The following SSBP3 variants were observed in gnomAD, a reference collection of about 807,000 sequenced individuals.
SSBP3 encodes single stranded DNA binding protein 3.
A neutral mutation model predicts 69.6 loss-of-function variants in SSBP3; 5 were observed. The ratio of observed to expected loss-of-function variants is 0.07; its 90% CI spans 0.04 to 0.15. SSBP3 has a LOEUF of 0.15. Ranked by LOEUF, SSBP3 falls within the 10% of genes least tolerant of loss-of-function variation. SSBP3 has a pLI of 1.00. For missense variants in SSBP3, 312 were observed against 534.0 expected, an observed-to-expected ratio of 0.58 and a Z score of 4.10; for synonymous variants, 196 against 193.4, an observed-to-expected ratio of 1.01 and a Z score of -0.11.
At chr1:54,241,612 C>G in intron 11 of SSBP3, 103 bp from the exon 12 acceptor site, 1 of 1,282,558 alleles carries the variant, frequency 7.8e-7, no homozygotes, top group Non-Finnish European at 1.1e-6. Context: ...AAAGGCATCG[C>G]CACCCAGTGA....
At position 54,277,911 on chromosome 1, in the gene SSBP3, C is replaced by T. The variant is rs532945762; in HGVS notation, c.366+3527G>A. ...AGCTGGGTTTGCCAGATGTGCAGCCCAACCGAGCTAAGCTGCGTGGAAAAA... is the reference window on the plus strand; with the variant it reads ...AGCTGGGTTTGCCAGATGTGCAGCCTAACCGAGCTAAGCTGCGTGGAAAAA... On this transcript the variant is annotated intron_variant, in intron 5 of 17. Coordinates refer to ENST00000610401, the Ensembl canonical transcript of SSBP3. Among the ~76,000 whole-genome samples, 328 of 152,198 alleles carry T rather than the reference C, an allele frequency of 2.2e-3. 3 individuals carry two copies. Among genetic ancestry groups the T allele is most frequent in the Non-Finnish European group, 3.0e-3 (204 of 68,012 alleles).
intron 4 of SSBP3, among the ~76,000 whole-genome samples, chr1:54,320,589 A>T (rs952685072): frequency 1.3e-5 from 2 of 152,110 alleles, no homozygotes; most frequent in Non-Finnish European, 2.9e-5. Flanking sequence ...AAGTGCTGGG[A>T]TTACAATAGG....
exon 18 of SSBP3, chr1:54,225,445 T>C (rs1450684469): frequency 2.4e-6 from 3 of 1,225,646 alleles, no homozygotes; most frequent in East Asian, 3.2e-5. Context: ...GGAAAAAAGA[T>C]GTCCCTTTAA....
At chr1:54,273,422 G>A (rs1468727618) in intron 5 of SSBP3, among the ~76,000 whole-genome samples, 1 of 152,182 alleles carries the variant, frequency 6.6e-6, no homozygotes, top group Admixed American at 6.5e-5. Context: ...AGCCGCCGCC[G>A]AGGCAGCCTG....
At chr1:54,279,701 G>A (rs945673031) in intron 5 of SSBP3, among the ~76,000 whole-genome samples, 3 of 152,216 alleles carry the variant, frequency 2.0e-5, no homozygotes, top group South Asian at 2.1e-4. Flanking sequence ...AACGCCAGTG[G>A]GAAAGGCCCG....
chr1:54,274,436 G>A (rs1437228718), intron 5 of SSBP3, among the ~76,000 whole-genome samples: 1 of 139,658 alleles, frequency 7.2e-6, no homozygotes, highest in Non-Finnish European at 1.6e-5. Context: ...AGGCCTGAGA[G>A]CACTGGCTGG....
intron 11 of SSBP3, 73 bp downstream of exon 11, chr1:54,242,091 C>G (rs1025611619): frequency 1.2e-5 from 18 of 1,557,450 alleles, no homozygotes; most frequent in Non-Finnish European, 1.4e-5. Context: ...CACCTACACC[C>G]AGGGACAGTA....
At chr1:54,238,748 T>C (rs369229087) in intron 14 of SSBP3, 12 of 325,268 alleles carry the variant, frequency 3.7e-5, no homozygotes, top group South Asian at 1.6e-4. Flanking sequence ...CTCAACTCCA[T>C]AGCCCCAGAA....
chr1:54,255,184 G>A (rs1644900159), intron 7 of SSBP3, among the ~76,000 whole-genome samples: 1 of 151,662 alleles, frequency 6.6e-6, no homozygotes, highest in Admixed American at 6.6e-5. Flanking sequence ...TGGCAGGGAG[G>A]TTGGGAAAAC....
chr1:54,398,504 G>A (rs1020920574), intron 4 of SSBP3, among the ~76,000 whole-genome samples: 3 of 152,190 alleles, frequency 2.0e-5, no homozygotes, highest in Non-Finnish European at 2.9e-5. Flanking sequence ...AAGTCAAAGC[G>A]GAGAAGGTGG....
At chr1:54,347,943 G>C (rs1305558877) in intron 4 of SSBP3, among the ~76,000 whole-genome samples, 1 of 152,164 alleles carries the variant, frequency 6.6e-6, no homozygotes, top group African/African-American at 2.4e-5. Flanking sequence ...ACTGCGTCTA[G>C]AAAACTAACA....
chr1:54,238,310 T>A (rs952683634), intron 14 of SSBP3: 1 of 471,026 alleles, frequency 2.1e-6, no homozygotes, highest in East Asian at 7.0e-5. Flanking sequence ...GCCTCGCACT[T>A]TAGGGCCCCA....
rs869039822 is a variant in SSBP3, at chr1:54,337,485, C to CTTTTTTTTTTTTTTTTTTTTTTTTTTT, written c.277-55985_277-55959dup. ...ACCAAAGCATTTTGTTTTCCTCAAG[C>CTTTTTTTTTTTTTTTTTTTTTTTTTTT]TTTTTTTTTTTTTTTTTTTTTTTTT... is the stretch of plus-strand genomic sequence containing the variant. On this transcript the variant is annotated intron_variant, in intron 4 of 17. Coordinates refer to ENST00000610401, the Ensembl canonical transcript of SSBP3. 2.5e-4 allele frequency among the ~76,000 whole-genome samples: 13 copies of CTTTTTTTTTTTTTTTTTTTTTTTTTTT among 51,166 alleles called. 5 individuals carry two copies. Among genetic ancestry groups the CTTTTTTTTTTTTTTTTTTTTTTTTTTT allele is most frequent in the African/African-American group, 1.1e-3 (11 of 10,178 alleles). The allele number at this position is 51,166 out of a possible 152,430, so 33.6% of individuals were successfully genotyped here. A position where few individuals can be genotyped will look rare whatever the true frequency, so the allele number is the denominator to read the frequency against.
intron 4 of SSBP3, among the ~76,000 whole-genome samples, chr1:54,298,385 C>T (rs1214975354): frequency 6.6e-6 from 1 of 152,192 alleles, no homozygotes; most frequent in African/African-American, 2.4e-5. Context: ...GAAGCAGTCC[C>T]AGCAAGGGTG....
Position 54,258,250 on chromosome 1 carries a change from C to CG in SSBP3, c.367-102dup. 4.1e-6 allele frequency: 1 copy of CG among 242,614 alleles called. No homozygotes were observed. The highest frequency in any genetic ancestry group is 6.9e-6 in the Non-Finnish European group (1 of 145,944). The allele number at this position is 242,614 out of a possible 1,614,324, so 15.0% of individuals were successfully genotyped here. ...AAATTAAACCAAAACGAAGGGTGGG[C>CG]GGCGGGCGTGCGGGGGGGTGGGCTC... On this transcript the variant is annotated intron_variant, in intron 5 of 17. Transcript: ENST00000610401. The surrounding 1 kb of genome is among the most constrained non-coding windows in gnomAD (Gnocchi z 4.5).
At chr1:54,374,946 G>A (rs1394297732) in intron 4 of SSBP3, among the ~76,000 whole-genome samples, 1 of 152,216 alleles carries the variant, frequency 6.6e-6, no homozygotes, top group Non-Finnish European at 1.5e-5. Flanking sequence ...GAGGGGACGA[G>A]AGCATCCCGT....
intron 9 of SSBP3, among the ~76,000 whole-genome samples, chr1:54,248,331 G>A (rs1179073635): frequency 6.6e-6 from 1 of 152,204 alleles, no homozygotes; most frequent in Non-Finnish European, 1.5e-5. Context: ...CAGGGCCTGC[G>A]GGAAGGGGAA....
intron 9 of SSBP3, 132 bp downstream of exon 9, chr1:54,251,484 G>A (rs1644827704): frequency 1.0e-6 from 1 of 991,322 alleles, no homozygotes; most frequent in Middle Eastern, 3.1e-4. Context: ...AGGAGCAGGG[G>A]ATGCGGCCAT....
At chr1:54,352,654 G>A (rs1267334956) in intron 4 of SSBP3, among the ~76,000 whole-genome samples, 1 of 152,246 alleles carries the variant, frequency 6.6e-6, no homozygotes, top group Admixed American at 6.5e-5. Context: ...AGGATGTGCA[G>A]CAGGAAGAAG....
Sources: allele counts gnomAD v4.1 joint callset (sites outside exome capture counted in the v4.1 genomes callset), GRCh38; gene constraint gnomAD v4.1.1; non-coding constraint Gnocchi (gnomAD v3.1); transcripts MANE v1.5; gene names NCBI Gene and HGNC (gene_info 2026-07-23, HGNC 2026-07-21).